The following COBL variants were observed in gnomAD, a reference collection of about 807,000 sequenced individuals.
The protein encoded by COBL is cordon-bleu WH2 repeat protein.
In COBL, 51 loss-of-function variants were observed where a neutral mutation model predicts 98.8. That is an observed-to-expected ratio of 0.52 (90% CI 0.41 to 0.65). COBL has a LOEUF of 0.65. COBL is among the 30% of genes least tolerant of loss of function. The pLI is 0.00. For missense variants in COBL, 1,617 were observed against 1,617.5 expected (o/e 1.00, Z 0.01); for synonymous variants, 634 against 651.7 (o/e 0.97, Z 0.41).
chr7:51,254,662 G>T (rs911081321), intron 1 of COBL, among the ~76,000 whole-genome samples: 16 of 152,102 alleles, frequency 1.1e-4, no homozygotes, highest in African/African-American at 3.6e-4. Context: ...TGACTACCTA[G>T]AATTCTCTAG....
intron 11 of COBL, among the ~76,000 whole-genome samples, 186 bp from the exon 12 acceptor site, chr7:51,025,558 C>T (rs2240088): frequency 0.19 from 29,521 of 152,030 alleles, 3,022 homozygotes; most frequent in East Asian, 0.3. Context: ...GCTCTCTCAC[C>T]TCTGCTACTA....
chr7:51,170,530 T>TATATATAA (rs34873583), intron 5 of COBL, among the ~76,000 whole-genome samples: 2 of 135,538 alleles, frequency 1.5e-5, no homozygotes, highest in African/African-American at 5.7e-5. Context: ...TATATATATA[T>TATATATAA]AAATATATAT....
At chr7:51,187,269 G>A (rs912409825) in intron 4 of COBL, among the ~76,000 whole-genome samples, 4 of 149,572 alleles carry the variant, frequency 2.7e-5, no homozygotes, top group African/African-American at 9.9e-5. Flanking sequence ...AATGTACAAT[G>A]GGCATTCTAC....
chr7:51,183,744 A>G (rs1240537745), intron 5 of COBL, among the ~76,000 whole-genome samples: 1 of 152,208 alleles, frequency 6.6e-6, no homozygotes, highest in East Asian at 1.9e-4. Context: ...TATAACATCC[A>G]TTCACTCATT....
intron 1 of COBL, among the ~76,000 whole-genome samples, chr7:51,238,369 C>T (rs1320427711): frequency 6.6e-6 from 1 of 152,132 alleles, no homozygotes; most frequent in Non-Finnish European, 1.5e-5. Flanking sequence ...AGAAGGAGAC[C>T]CCTGCCCTTC....
At chr7:51,214,066 G>C (rs1462053811) in intron 2 of COBL, among the ~76,000 whole-genome samples, 2 of 152,048 alleles carry the variant, frequency 1.3e-5, no homozygotes, top group Admixed American at 6.6e-5. Context: ...AGGAGTTCCA[G>C]ACCAGCCTGG....
chr7:51,299,926 G>C (rs887228385), intron 1 of COBL, among the ~76,000 whole-genome samples: 1 of 152,156 alleles, frequency 6.6e-6, no homozygotes, highest in Admixed American at 6.5e-5. Context: ...TGCTATGAAA[G>C]TCTGCAGATG....
At chr7:51,093,469 C>A (rs1794996023) in intron 6 of COBL, among the ~76,000 whole-genome samples, 1 of 152,160 alleles carries the variant, frequency 6.6e-6, no homozygotes, top group Non-Finnish European at 1.5e-5. Flanking sequence ...AATAGAACTA[C>A]CGTGGGATCC....
chr7:51,121,518 T>TA (rs1797736338), intron 6 of COBL, among the ~76,000 whole-genome samples: 1 of 152,222 alleles, frequency 6.6e-6, no homozygotes, highest in African/African-American at 2.4e-5. Context: ...GCTTTGCAGA[T>TA]ACTAAAATTT....
chr7:51,142,383 A>ATTT (rs10608547), intron 5 of COBL, among the ~76,000 whole-genome samples: 5 of 71,400 alleles, frequency 7.0e-5, no homozygotes, highest in Admixed American at 1.6e-4. Context: ...CTGGTATTTG[A>ATTT]TTTTTTTTTT....
chr7:51,266,398 G>A (rs1246472544), intron 1 of COBL, among the ~76,000 whole-genome samples: 1 of 151,954 alleles, frequency 6.6e-6, no homozygotes, highest in African/African-American at 2.4e-5. Context: ...GACCAACATG[G>A]AGAAACCCCA....
chr7:51,165,724 A>T (rs1029173328), intron 5 of COBL, among the ~76,000 whole-genome samples: 3 of 151,998 alleles, frequency 2.0e-5, no homozygotes, highest in African/African-American at 7.2e-5. Context: ...GTCACAAAAC[A>T]AGTCTTAAAA....
intron 1 of COBL, among the ~76,000 whole-genome samples, chr7:51,229,844 T>C (rs538273933): frequency 2.3e-4 from 35 of 152,204 alleles, no homozygotes; most frequent in East Asian, 9.7e-4. Context: ...AACTGCTCAA[T>C]ATGTGCAGAT....
chr7:51,109,632 G>A (rs1012672305), intron 6 of COBL, among the ~76,000 whole-genome samples: 1 of 151,866 alleles, frequency 6.6e-6, no homozygotes, highest in African/African-American at 2.4e-5. Flanking sequence ...AGTTACCACT[G>A]TGCTACCAGG....
At chr7:51,139,958 A>T (rs1269471815) in intron 5 of COBL, among the ~76,000 whole-genome samples, 2 of 152,196 alleles carry the variant, frequency 1.3e-5, no homozygotes, top group Non-Finnish European at 2.9e-5. Flanking sequence ...TGCCTGCAAG[A>T]GAGGTTTGAT....
chr7:51,265,017 T>C (rs1798074617), intron 1 of COBL, among the ~76,000 whole-genome samples: 1 of 152,126 alleles, frequency 6.6e-6, no homozygotes, highest in Admixed American at 6.5e-5. Context: ...AGGTCACTCA[T>C]GCTCACGTTT....
At chr7:51,255,827 G>A (rs563433658) in intron 1 of COBL, among the ~76,000 whole-genome samples, 2 of 152,212 alleles carry the variant, frequency 1.3e-5, no homozygotes, top group East Asian at 3.9e-4. Context: ...GGCCCTGAAT[G>A]TTGCCCCACC....
intron 11 of COBL, 57 bp from the exon 12 acceptor site, chr7:51,025,429 T>G (rs1787454518): frequency 6.3e-7 from 1 of 1,582,604 alleles, no homozygotes; most frequent in East Asian, 2.2e-5. Context: ...AAAATTCAGC[T>G]GTGAAATCCC....
At chr7:51,221,618 A>G (rs1413687652) in intron 1 of COBL, among the ~76,000 whole-genome samples, 3 of 152,336 alleles carry the variant, frequency 2.0e-5, no homozygotes, top group South Asian at 2.1e-4. Context: ...TTTTAAAGAG[A>G]GGTCTACATT....
Sources: allele counts gnomAD v4.1 joint callset (sites outside exome capture counted in the v4.1 genomes callset), GRCh38; gene constraint gnomAD v4.1.1; transcripts MANE v1.5; gene names NCBI Gene and HGNC (gene_info 2026-07-23, HGNC 2026-07-21).